The following KCND2 variants were observed in gnomAD, a reference collection of about 807,000 sequenced individuals.
The protein encoded by KCND2 is potassium voltage-gated channel subfamily D member 2, also known as A-type voltage-gated potassium channel KCND2.
A neutral mutation model predicts 54.4 loss-of-function variants in KCND2; 16 were observed. That is an observed-to-expected ratio of 0.29 (90% CI 0.20 to 0.45). The LOEUF is 0.45. Among genes scored for constraint, KCND2 ranks in the 20% least tolerant of loss-of-function variants. KCND2 has a pLI of 1.00. For missense variants in KCND2, 486 were observed against 824.2 expected, an observed-to-expected ratio of 0.59 and a Z score of 5.02; for synonymous variants, 317 against 310.7, an observed-to-expected ratio of 1.02 and a Z score of -0.21.
chr7:120,428,959 T>C, intron 1 of KCND2, among the ~76,000 whole-genome samples: 1 of 152,146 alleles, frequency 6.6e-6, no homozygotes, highest in East Asian at 1.9e-4. Flanking sequence ...AACCCCAAAA[T>C]AAGGAATTGA....
intron 1 of KCND2, among the ~76,000 whole-genome samples, chr7:120,362,892 G>A (rs1800612621): frequency 6.6e-6 from 1 of 152,028 alleles, no homozygotes; most frequent in African/African-American, 2.4e-5. Flanking sequence ...GAACCAGGAA[G>A]GTCCAAGCAG....
intron 1 of KCND2, among the ~76,000 whole-genome samples, chr7:120,594,269 T>G (rs1420906093): frequency 6.6e-6 from 1 of 152,234 alleles, no homozygotes; most frequent in Non-Finnish European, 1.5e-5. Context: ...CAAGTAGTTA[T>G]TAAGTTAATT....
chr7:120,449,664 T>C (rs1223254548), intron 1 of KCND2, among the ~76,000 whole-genome samples: 1 of 152,218 alleles, frequency 6.6e-6, no homozygotes, highest in Admixed American at 6.5e-5. Context: ...ATGCTTAATT[T>C]CTAAGCCATT....
At chr7:120,582,681 A>G (rs1318100144) in intron 1 of KCND2, among the ~76,000 whole-genome samples, 2 of 152,148 alleles carry the variant, frequency 1.3e-5, no homozygotes, top group African/African-American at 4.8e-5. Flanking sequence ...TCTTTAAACA[A>G]TTATAAAAAA....
intron 1 of KCND2, among the ~76,000 whole-genome samples, chr7:120,567,201 T>C (rs1584831524): frequency 6.6e-6 from 1 of 152,206 alleles, no homozygotes; most frequent in South Asian, 2.1e-4. Context: ...TGCTGTGTTT[T>C]TGCATGGGAG....
At chr7:120,560,474 T>C (rs372003248) in intron 1 of KCND2, among the ~76,000 whole-genome samples, 1 of 152,206 alleles carries the variant, frequency 6.6e-6, no homozygotes, top group East Asian at 1.9e-4. Flanking sequence ...TCTTAAATGA[T>C]AGGGATTCAG....
intron 1 of KCND2, among the ~76,000 whole-genome samples, chr7:120,609,860 C>G (rs1792930567): frequency 6.6e-6 from 1 of 152,094 alleles, no homozygotes; most frequent in Non-Finnish European, 1.5e-5. Flanking sequence ...CCTCATAAAT[C>G]CAGCCCTTTT....
chr7:120,579,642 AAATAAAATAAAAT>A (rs1792489484), intron 1 of KCND2, among the ~76,000 whole-genome samples: 1 of 127,800 alleles, frequency 7.8e-6, no homozygotes, highest in African/African-American at 3.0e-5. Context: ...ATAAATAAAT[AAATAAAATAAAAT>A]AAATAAAAAT....
At chr7:120,484,267 G>A (rs949292350) in intron 1 of KCND2, among the ~76,000 whole-genome samples, 3 of 151,996 alleles carry the variant, frequency 2.0e-5, no homozygotes, top group African/African-American at 7.2e-5. Context: ...TTTACTTTTA[G>A]ATTTAGGAAG....
intron 1 of KCND2, among the ~76,000 whole-genome samples, chr7:120,688,855 A>G (rs1792235479): frequency 6.6e-6 from 1 of 152,214 alleles, no homozygotes; most frequent in African/African-American, 2.4e-5. Context: ...CAGTGTTAAG[A>G]GTATCAAAAA....
chr7:120,444,080 C>T (rs1317401907), intron 1 of KCND2, among the ~76,000 whole-genome samples: 2 of 152,080 alleles, frequency 1.3e-5, no homozygotes, highest in African/African-American at 4.8e-5. Context: ...ATGAAGTTAA[C>T]CTTGATCCCT....
intron 1 of KCND2, among the ~76,000 whole-genome samples, chr7:120,481,234 A>T (rs1457279752): frequency 6.6e-6 from 1 of 152,192 alleles, no homozygotes; most frequent in Non-Finnish European, 1.5e-5. Context: ...TGTGGAACTT[A>T]AGAATGATGA....
intron 1 of KCND2, among the ~76,000 whole-genome samples, chr7:120,694,482 G>A (rs1176757733): frequency 3.9e-5 from 6 of 152,056 alleles, no homozygotes; most frequent in African/African-American, 1.4e-4. Flanking sequence ...TGGAGGACCG[G>A]CATCTCTTCC....
chr7:120,649,811 G>A (rs1791702845), intron 1 of KCND2, among the ~76,000 whole-genome samples: 2 of 152,142 alleles, frequency 1.3e-5, no homozygotes, highest in African/African-American at 4.8e-5. Flanking sequence ...GGCAGGCCTG[G>A]TGGTGACAAA....
At chr7:120,639,257 A>T (rs912697162) in intron 1 of KCND2, among the ~76,000 whole-genome samples, 1 of 152,202 alleles carries the variant, frequency 6.6e-6, no homozygotes, top group Middle Eastern at 3.2e-3. Flanking sequence ...GTGAAAAAGA[A>T]TACCTCTGAA....
chr7:120,656,174 A>ATAT (rs1562900341), intron 1 of KCND2, among the ~76,000 whole-genome samples: 1 of 152,132 alleles, frequency 6.6e-6, no homozygotes, highest in Non-Finnish European at 1.5e-5. Flanking sequence ...ATACTAGCCC[A>ATAT]TATCCCTTTT....
intron 1 of KCND2, among the ~76,000 whole-genome samples, chr7:120,458,465 A>G (rs985978091): frequency 6.6e-6 from 1 of 152,208 alleles, no homozygotes; most frequent in Admixed American, 6.5e-5. Context: ...TTACCAACTC[A>G]TGCCCACCAT....
At chr7:120,375,625 T>C (rs908468904) in intron 1 of KCND2, among the ~76,000 whole-genome samples, 4 of 151,804 alleles carry the variant, frequency 2.6e-5, no homozygotes, top group African/African-American at 7.2e-5. Flanking sequence ...GGTTCTTCAT[T>C]CTATTACACG....
chr7:120,625,728 T>C (rs955494073), intron 1 of KCND2, among the ~76,000 whole-genome samples: 38 of 152,046 alleles, frequency 2.5e-4, no homozygotes, highest in African/African-American at 9.2e-4. Context: ...ACTGAAAAAT[T>C]TATGGGATAA....
Sources: gnomAD v4.1 joint callset for allele counts (sites outside exome capture counted in the v4.1 genomes callset) on GRCh38, gnomAD v4.1.1 for gene constraint, MANE v1.5 for transcripts, NCBI Gene and HGNC (gene_info 2026-07-23, HGNC 2026-07-21) for gene names.